The following AKAP19 variants were observed in gnomAD, a reference collection of about 807,000 sequenced individuals.
The protein encoded by AKAP19 is small A-kinase anchoring protein.
the AKAP19 span, among the ~76,000 whole-genome samples, chr2:189,913,964 A>G: frequency 6.6e-6 from 1 of 152,106 alleles, no homozygotes; most frequent in Non-Finnish European, 1.5e-5. Flanking sequence ...GCTTTAGAAT[A>G]TTCCATACGG....
the AKAP19 span, among the ~76,000 whole-genome samples, chr2:189,941,511 G>T: frequency 6.6e-6 from 1 of 151,020 alleles, no homozygotes; most frequent in Admixed American, 6.6e-5. Context: ...TTTTTGTTTT[G>T]TTTTTAATTT....
chr2:189,934,727 A>G, the AKAP19 span, among the ~76,000 whole-genome samples: 1 of 151,418 alleles, frequency 6.6e-6, no homozygotes, highest in Non-Finnish European at 1.5e-5. Context: ...TTTAAATAAT[A>G]TATAGATCAT....
the AKAP19 span, among the ~76,000 whole-genome samples, chr2:190,016,469 G>T: frequency 1.3e-5 from 2 of 152,124 alleles, no homozygotes; most frequent in African/African-American, 4.8e-5. Flanking sequence ...CTTCCCACCA[G>T]GTACCTCCCT....
the AKAP19 span, among the ~76,000 whole-genome samples, chr2:190,051,822 TTTTA>T: frequency 0.034 from 5,108 of 149,616 alleles, 297 homozygotes; most frequent in African/African-American, 0.12. Context: ...TTTTTTTATT[TTTTA>T]TTTATTTATT....
the AKAP19 span, among the ~76,000 whole-genome samples, chr2:190,164,303 G>A: frequency 1.9e-4 from 29 of 152,344 alleles, 1 homozygote; most frequent in African/African-American, 6.5e-4. Flanking sequence ...GAGAAGCTGA[G>A]GTGGGCGGAT....
chr2:189,890,570 C>T, the AKAP19 span, among the ~76,000 whole-genome samples: 2 of 152,130 alleles, frequency 1.3e-5, no homozygotes, highest in African/African-American at 4.8e-5. Flanking sequence ...CTTTGTAAGT[C>T]TCTAAGAACT....
At chr2:190,097,507 G>A in the AKAP19 span, among the ~76,000 whole-genome samples, 1 of 152,102 alleles carries the variant, frequency 6.6e-6, no homozygotes, top group African/African-American at 2.4e-5. Flanking sequence ...TTTCTCTGTA[G>A]CATGCAGTGC....
the AKAP19 span, among the ~76,000 whole-genome samples, chr2:190,082,280 G>C: frequency 6.6e-6 from 1 of 152,036 alleles, no homozygotes; most frequent in African/African-American, 2.4e-5. Context: ...TGCACATTTG[G>C]CCACCCCATT....
chr2:190,166,239 A>C, the AKAP19 span, among the ~76,000 whole-genome samples: 1 of 151,502 alleles, frequency 6.6e-6, no homozygotes, highest in African/African-American at 2.4e-5. Flanking sequence ...AATCTTCTGG[A>C]AAAATAAAGA....
At chr2:190,157,808 T>C in the AKAP19 span, among the ~76,000 whole-genome samples, 1 of 152,174 alleles carries the variant, frequency 6.6e-6, no homozygotes, top group Non-Finnish European at 1.5e-5. Flanking sequence ...AGTTATTACA[T>C]ATAAGACTTA....
the AKAP19 span, among the ~76,000 whole-genome samples, chr2:190,053,808 A>C: frequency 6.6e-6 from 1 of 152,196 alleles, no homozygotes; most frequent in Non-Finnish European, 1.5e-5. Flanking sequence ...TGTAATTAAT[A>C]TACAAATAGA....
chr2:189,928,928 C>T, the AKAP19 span, among the ~76,000 whole-genome samples: 37 of 152,040 alleles, frequency 2.4e-4, no homozygotes, highest in African/African-American at 8.2e-4. Context: ...AAGTAGGTCA[C>T]CTAGGAGTAT....
At chr2:189,974,616 G>C in the AKAP19 span, among the ~76,000 whole-genome samples, 40 of 152,168 alleles carry the variant, frequency 2.6e-4, 1 homozygote, top group Non-Finnish European at 1.0e-4. Flanking sequence ...GGGAGTCTAA[G>C]TCTCTTTGGT....
the AKAP19 span, among the ~76,000 whole-genome samples, chr2:190,187,713 G>A: frequency 6.6e-6 from 1 of 152,116 alleles, no homozygotes; most frequent in East Asian, 1.9e-4. Flanking sequence ...AATAACGTGG[G>A]CATGGTGGCA....
the AKAP19 span, among the ~76,000 whole-genome samples, chr2:189,909,001 G>C: frequency 6.6e-6 from 1 of 151,974 alleles, no homozygotes; most frequent in Admixed American, 6.6e-5. Context: ...TCTCCCTTCA[G>C]ATCTATTAAT....
chr2:189,925,138 TC>T, the AKAP19 span, among the ~76,000 whole-genome samples: 2 of 152,120 alleles, frequency 1.3e-5, no homozygotes, highest in Non-Finnish European at 2.9e-5. Flanking sequence ...CCTAAACTGT[TC>T]CTGAGATTCA....
the AKAP19 span, among the ~76,000 whole-genome samples, chr2:189,973,298 G>A: frequency 1.1e-4 from 17 of 152,102 alleles, no homozygotes; most frequent in Non-Finnish European, 2.4e-4. Context: ...ATTGATTTGT[G>A]TATGTTGAAC....
chr2:189,886,171 AC>A, the AKAP19 span, among the ~76,000 whole-genome samples: 6 of 152,138 alleles, frequency 3.9e-5, no homozygotes, highest in African/African-American at 1.4e-4. Context: ...GATTGGGGAT[AC>A]CAGTATTTTT....
chr2:189,896,934 C>T, the AKAP19 span, among the ~76,000 whole-genome samples: 170 of 151,674 alleles, frequency 1.1e-3, no homozygotes, highest in Non-Finnish European at 2.1e-3. Flanking sequence ...CATATATGTC[C>T]TGAATTTCAA....
Sources: allele counts gnomAD v4.1 joint callset (sites outside exome capture counted in the v4.1 genomes callset), GRCh38; gene constraint gnomAD v4.1.1; transcripts MANE v1.5; gene names NCBI Gene and HGNC (gene_info 2026-07-23, HGNC 2026-07-21).